The following BICD2 variants were observed in gnomAD, a reference collection of about 807,000 sequenced individuals.
BICD2 encodes BICD cargo adaptor 2, also known as protein bicaudal D homolog 2.
BICD2 carries 25 observed loss-of-function variants against 72.9 expected under a neutral mutation model. The observed-to-expected ratio is 0.34, with a 90% CI of 0.25 to 0.48. BICD2 has a LOEUF of 0.48. Among genes scored for constraint, BICD2 ranks in the 20% least tolerant of loss-of-function variants. The pLI is 0.99. For synonymous variants in BICD2, 501 were observed against 516.1 expected, an observed-to-expected ratio of 0.97 and a Z score of 0.40; for missense variants, 894 against 1,175.2, an observed-to-expected ratio of 0.76 and a Z score of 3.50.
At chr9:92,763,523 C>T (rs983749386) in intron 1 of BICD2, among the ~76,000 whole-genome samples, 1 of 152,348 alleles carries the variant, frequency 6.6e-6, no homozygotes, top group Admixed American at 6.5e-5. Flanking sequence ...CTACCCAAAG[C>T]CACATCACTA....
chr9:92,756,589 G>C (rs1854262597), intron 1 of BICD2, among the ~76,000 whole-genome samples: 1 of 148,474 alleles, frequency 6.7e-6, no homozygotes, highest in Non-Finnish European at 1.5e-5. Context: ...AAAGAAAAGA[G>C]AGGCCAGGCA....
Position 92,764,502 on chromosome 9 carries a change from C to T in BICD2, c.240+3G>A. On this transcript the variant is annotated splice_donor_region_variant and intron_variant, in intron 1 of 6. Coordinates refer to ENST00000356884, the MANE Select transcript of BICD2 (RefSeq NM_001003800.2). This position sits in a 1 kb window ranked among gnomAD's most constrained non-coding sequence, Gnocchi z 5.5. ...GGTCGCAGGGCAGGGCGGCTCGGCT[C>T]ACCTCCTTGAGCTGCTCCATCTCGC... 6.6e-7 allele frequency: 1 copy of T among 1,513,566 alleles called. No homozygotes were observed. The highest frequency in any genetic ancestry group is 8.9e-7 in the Non-Finnish European group (1 of 1,128,916). The allele number at this position is 1,513,566 out of a possible 1,614,324, so 93.8% of individuals were successfully genotyped here.
rs1260241762 is a variant in BICD2, at chr9:92,764,174, C to T, written c.240+331G>A. Among the ~76,000 whole-genome samples, 1 of 151,384 alleles carries T rather than the reference C, an allele frequency of 6.6e-6. No individual in the cohort carries two copies. Among genetic ancestry groups the T allele is most frequent in the Non-Finnish European group, 1.5e-5 (1 of 67,752 alleles). On this transcript the variant is annotated intron_variant, in intron 1 of 6. Coordinates refer to ENST00000356884, the MANE Select transcript of BICD2 (RefSeq NM_001003800.2). The surrounding 1 kb of genome is among the most constrained non-coding windows in gnomAD (Gnocchi z 5.5). The stretch of plus-strand genomic sequence containing the variant: ...CCCAACCCCACCCCACACTCAGACA[C>T]ACCCGGAACAGCGACCACCGCAAAG...
In BICD2 at chr9:92,714,384, G is replaced by T; in HGVS notation, c.*770C>A. The T allele has an allele frequency of 1.0e-6, 1 of 985,516 alleles. No homozygotes were observed. Among genetic ancestry groups the T allele is most frequent in the Non-Finnish European group, 1.2e-6 (1 of 829,976 alleles). 61.0% of individuals were successfully genotyped at this position (985,516 alleles called of 1,614,324 possible). On this transcript the variant is annotated 3_prime_UTR_variant, in exon 7 of 7. Coordinates refer to ENST00000356884, the MANE Select transcript of BICD2 (RefSeq NM_001003800.2). The stretch of plus-strand genomic sequence containing the variant: ...CAAGGTCTGGCCAGGCACTTGGAAA[G>T]CTTTTCTCATGAAAAATGAAAACCT...
chr9:92,759,849 T>G (rs1031517193), intron 1 of BICD2, among the ~76,000 whole-genome samples: 6 of 152,236 alleles, frequency 3.9e-5, no homozygotes, highest in African/African-American at 1.4e-4. Flanking sequence ...TCTGACTGAC[T>G]GGGGGATGCC....
chr9:92,715,185 C>A lies in BICD2; in HGVS notation c.2537G>T (p.Cys846Phe). ...EGTGLANQVFCSEKHSIYCD is the reference protein window; with the variant it reads ...EGTGLANQVFFSEKHSIYCD Reference sequence around the variant, plus strand: ...ACAGTAAATGCTGTGCTTCTCGCTGCAGAACACCTGGTTGGCCAGCCCGGT... The same window carrying A: ...ACAGTAAATGCTGTGCTTCTCGCTGAAGAACACCTGGTTGGCCAGCCCGGT... The change falls in exon 7 of 7, where the codon TGC (cysteine) becomes TTC (phenylalanine). Residue 846 changes from cysteine to phenylalanine, a missense_variant. Transcript: ENST00000356884. 1 of 1,606,400 alleles carries A rather than the reference C, an allele frequency of 6.2e-7. No homozygotes were observed. The highest frequency in any genetic ancestry group is 8.5e-7 in the Non-Finnish European group (1 of 1,175,088).
chr9:92,727,951 A>C (rs1473589260), intron 2 of BICD2, among the ~76,000 whole-genome samples: 2 of 152,056 alleles, frequency 1.3e-5, no homozygotes, highest in African/African-American at 4.8e-5. Context: ...CTTTGCTCAC[A>C]CTGTTTCCTC....
rs568969457 is a variant in BICD2, at chr9:92,741,901, C to T, written c.241-12665G>A. Among the ~76,000 whole-genome samples, 266 of 152,182 alleles carry T rather than the reference C, an allele frequency of 1.7e-3. 1 individual carries two copies. The highest frequency in any genetic ancestry group is 3.0e-3 in the Non-Finnish European group (202 of 68,004). On this transcript the variant is annotated intron_variant, in intron 1 of 6. Coordinates refer to ENST00000356884, the MANE Select transcript of BICD2 (RefSeq NM_001003800.2). ...CAGAGATTTCAAATATACCAAGATA[C>T]CCATAAAATCCTCCCAAATTAAACT...
chr9:92,715,933 C>T (rs542406235), intron 6 of BICD2, among the ~76,000 whole-genome samples: 4 of 152,222 alleles, frequency 2.6e-5, no homozygotes, highest in South Asian at 2.1e-4. Flanking sequence ...TTCCCAAGGT[C>T]GATGCTTCGT....
chr9:92,761,810 T>C (rs1198918936), intron 1 of BICD2, among the ~76,000 whole-genome samples: 2 of 152,270 alleles, frequency 1.3e-5, no homozygotes, highest in East Asian at 3.9e-4. Context: ...ACAGATATGG[T>C]CTTAACTGAG....
chr9:92,762,400 C>T (rs1451091639), intron 1 of BICD2, among the ~76,000 whole-genome samples: 1 of 152,124 alleles, frequency 6.6e-6, no homozygotes, highest in Non-Finnish European at 1.5e-5. Context: ...AACGCTGATG[C>T]ACATTCCTCT....
intron 2 of BICD2, among the ~76,000 whole-genome samples, chr9:92,727,992 G>T (rs566583178): frequency 6.6e-6 from 1 of 152,288 alleles, no homozygotes; most frequent in Middle Eastern, 3.4e-3. Flanking sequence ...CCCTGGCAGG[G>T]CTCAATTAAA....
chr9:92,757,117 C>T (rs912079873), intron 1 of BICD2, among the ~76,000 whole-genome samples: 3 of 151,918 alleles, frequency 2.0e-5, no homozygotes, highest in African/African-American at 7.3e-5. Context: ...AATTCAAGAC[C>T]AGCCCGGGCA....
At chr9:92,751,216 T>C (rs1007671420) in intron 1 of BICD2, among the ~76,000 whole-genome samples, 11 of 151,700 alleles carry the variant, frequency 7.3e-5, no homozygotes, top group African/African-American at 2.7e-4. Context: ...AGTGGTACAA[T>C]CTCGGCTCAC....
At chr9:92,726,197 C>T (rs1196873376) in intron 2 of BICD2, among the ~76,000 whole-genome samples, 2 of 152,176 alleles carry the variant, frequency 1.3e-5, no homozygotes, top group Non-Finnish European at 2.9e-5. Context: ...TCACATCTGA[C>T]GAGATACCAG....
rs544876148 is a variant in BICD2, at chr9:92,721,414, A to G, written c.607-659T>C. ...AAAGCAACATCAAAGTCTTGTCTACATGAAAATTGTATCTGCAGGTGGGCA... is the reference window on the plus strand; with the variant it reads ...AAAGCAACATCAAAGTCTTGTCTACGTGAAAATTGTATCTGCAGGTGGGCA... On this transcript the variant is annotated intron_variant, in intron 3 of 6. Coordinates refer to ENST00000356884, the MANE Select transcript of BICD2 (RefSeq NM_001003800.2). 3.9e-5 allele frequency among the ~76,000 whole-genome samples: 6 copies of G among 152,372 alleles called. No homozygotes were observed. The South Asian group carries it at 8.3e-4, about 21-fold the overall frequency.
At chr9:92,736,458 G>A (rs928870914) in intron 1 of BICD2, among the ~76,000 whole-genome samples, 67 of 152,192 alleles carry the variant, frequency 4.4e-4, no homozygotes, top group Non-Finnish European at 1.8e-4. Context: ...AAAAATGGGA[G>A]GGACCCTCAG....
intron 1 of BICD2, among the ~76,000 whole-genome samples, chr9:92,740,127 A>T (rs1447718444): frequency 6.6e-6 from 1 of 152,158 alleles, no homozygotes; most frequent in Non-Finnish European, 1.5e-5. Flanking sequence ...GCAGAGAGAG[A>T]GATGGGGGGC....
rs142148928 is a variant in BICD2 at position 92,747,008 on chromosome 9, C to T, written c.240+17497G>A. ...AGGTCAAAGGCCGCCCTAAAAAATGCAGCCTGGACTGAAATGGGGCTCAGC... is the reference window on the plus strand; with the variant it reads ...AGGTCAAAGGCCGCCCTAAAAAATGTAGCCTGGACTGAAATGGGGCTCAGC... On this transcript the variant is annotated intron_variant, in intron 1 of 6. Transcript: ENST00000356884. Among the ~76,000 whole-genome samples, 6 of 152,352 alleles carry T rather than the reference C, an allele frequency of 3.9e-5. No individual in the cohort carries two copies. In the East Asian group the frequency reaches 1.2e-3, roughly 29 times the overall value.
Sources: allele counts gnomAD v4.1 joint callset (sites outside exome capture counted in the v4.1 genomes callset), GRCh38; gene constraint gnomAD v4.1.1; non-coding constraint Gnocchi (gnomAD v3.1); transcripts MANE v1.5; gene names NCBI Gene and HGNC (gene_info 2026-07-23, HGNC 2026-07-21).